Variants in MAP4K2 observed in about 807,000 individuals in gnomAD.
MAP4K2 encodes the protein B lymphocyte serine/threonine protein kinase.
MAP4K2 carries 85 observed loss-of-function variants against 125.3 expected under a neutral mutation model. The ratio of observed to expected loss-of-function variants is 0.68; its 90% CI spans 0.57 to 0.81. The LOEUF (loss-of-function observed/expected upper bound fraction) is 0.81. MAP4K2 is among the 40% of genes least tolerant of loss of function. The pLI, the probability that MAP4K2 is intolerant of heterozygous loss-of-function variation, is 0.00. For missense variants in MAP4K2, 923 were observed against 1,056.4 expected (o/e 0.87, Z 1.75); for synonymous variants, 479 against 445.1 (o/e 1.08, Z -0.96).
rs1941091378 is a variant in MAP4K2, at chr11:64,800,396, G to C, written c.726-4C>G. On this transcript the variant is annotated splice_region_variant and splice_polypyrimidine_tract_variant and intron_variant, in intron 10 of 31. Transcript: ENST00000294066. ...AAAGTGGTGGAAATTCTGGGTCCTAGAAGGCACAAGAGCCCCCCAGCGCCA... is the reference window on the plus strand; with the variant it reads ...AAAGTGGTGGAAATTCTGGGTCCTACAAGGCACAAGAGCCCCCCAGCGCCA... 1 of 1,613,906 alleles carries C rather than the reference G, an allele frequency of 6.2e-7. No individual in the cohort carries two copies. Among genetic ancestry groups the C allele is most frequent in the Non-Finnish European group, 8.5e-7 (1 of 1,179,966 alleles).
intron 14 of MAP4K2, 60 bp from the exon 15 acceptor site, chr11:64,798,897 C>A (rs960083436): frequency 1.4e-6 from 2 of 1,398,922 alleles, no homozygotes; most frequent in African/African-American, 2.9e-5. Flanking sequence ...CGTGAGAGGG[C>A]GCTCAAGAGA....
Position 64,796,704 on chromosome 11 carries a change from AG to A in MAP4K2, c.1501del (p.Leu501TrpfsTer3). The A allele has an allele frequency of 6.2e-7, 1 of 1,614,048 alleles. No homozygotes were observed. The highest frequency in any genetic ancestry group is 8.5e-7 in the Non-Finnish European group (1 of 1,180,018). ...WIHPVTRDQFLVVGAEEGIYT... is the reference protein window; with the variant it reads ...WIHPVTRDQFXVVGAEEGIYT... ...GATGCCTTCCTCGGCCCCTACCACCAGGAACTGGTCTGCCAGTTTGGGCATG... is the reference window on the plus strand; with the variant it reads ...GATGCCTTCCTCGGCCCCTACCACCAGAACTGGTCTGCCAGTTTGGGCATG... On this transcript the variant is annotated frameshift_variant, in exon 22 of 32. Coordinates refer to ENST00000294066, the MANE Select transcript of MAP4K2 (RefSeq NM_004579.5). LOFTEE classifies it high-confidence loss of function.
Position 64,800,938 on chromosome 11 carries a change from G to T in MAP4K2, c.624C>A (p.Gly208=). Residue 208 remains glycine (G), a synonymous_variant, in exon 9 of 32, where the codon GGC becomes GGA. Transcript: ENST00000294066. The part of the protein sequence containing the change: ...WALGITAIEL[G]ELQPPLFHLH... ...GGTGGAACAGAGGGGGCTGCAGCTCGCCCAGCTCAATGGCAGTGATGCCCA... is the reference window on the plus strand; with the variant it reads ...GGTGGAACAGAGGGGGCTGCAGCTCTCCCAGCTCAATGGCAGTGATGCCCA... 1.2e-6 allele frequency: 2 copies of T among 1,614,024 alleles called. No homozygotes were observed. Among genetic ancestry groups the T allele is most frequent in the Middle Eastern group, 1.6e-4 (1 of 6,062 alleles).
At chr11:64,794,926 G>A (rs1250290621) in intron 24 of MAP4K2, among the ~76,000 whole-genome samples, 1 of 151,698 alleles carries the variant, frequency 6.6e-6, no homozygotes, top group Non-Finnish European at 1.5e-5. Flanking sequence ...TTGCTCTGTT[G>A]CCCAGGCTTC....
Position 64,797,702 on chromosome 11 carries a change from C to CTT in MAP4K2, c.1098-39_1098-38insAA. ...GAAAAGGGGTCAGAGGTCAACCTTT[C>CTT]CTTTTTTTTTTTTTTTTTTTTGAGA... On this transcript the variant is annotated intron_variant, in intron 15 of 31. Transcript: ENST00000294066. The CTT allele has an allele frequency of 3.9e-6, 5 of 1,270,422 alleles. No homozygotes were observed. In the South Asian group the frequency reaches 4.8e-5, roughly 12 times the overall value. The allele number at this position is 1,270,422 out of a possible 1,614,324, so 78.7% of individuals were successfully genotyped here. A position where few individuals can be genotyped will look rare whatever the true frequency, so the allele number is the denominator to read the frequency against.
intron 24 of MAP4K2, among the ~76,000 whole-genome samples, chr11:64,795,081 ATTTTTTT>A (rs141351266): frequency 8.2e-6 from 1 of 121,678 alleles, no homozygotes; most frequent in African/African-American, 3.1e-5. Context: ...TAAGTTTTCG[ATTTTTTT>A]TTTTTTTTTT....
chr11:64,799,341 G>A lies in MAP4K2; in HGVS notation c.1053+80C>T, dbSNP rs1941018093. 14 of 1,545,128 alleles carry A rather than the reference G, an allele frequency of 9.1e-6. No homozygotes were observed. The South Asian group carries it at 1.6e-4, about 18-fold the overall frequency. On this transcript the variant is annotated intron_variant, in intron 14 of 31. Coordinates refer to ENST00000294066, the MANE Select transcript of MAP4K2 (RefSeq NM_004579.5). ...GGCCACCCAGCTTCAAATCTCCCTTGATTTGAGCTGCTCGGCCTCCATCCG... is the reference window on the plus strand; with the variant it reads ...GGCCACCCAGCTTCAAATCTCCCTTAATTTGAGCTGCTCGGCCTCCATCCG...
At position 64,796,273 on chromosome 11, in the gene MAP4K2, C is replaced by T; in HGVS notation, c.1751G>A (p.Arg584Lys). The change falls in exon 24 of 32, where the codon AGG (arginine) becomes AAG (lysine). Residue 584 changes from arginine to lysine, a missense_variant and splice_region_variant. Physicochemically the swap from Arg to Lys is conservative, Grantham distance 26. This residue lies in a region of MAP4K2 where 833 missense variants were observed against 911.4 expected (regional missense o/e 0.91). Coordinates refer to ENST00000294066, the MANE Select transcript of MAP4K2 (RefSeq NM_004579.5). ...TNRLTQRIIP[R>K]RFALSTKIPD... The stretch of plus-strand genomic sequence containing the variant: ...TCCCTGCACGCCCAAGATCCCTGAC[C>T]TGGGGATGATGCGCTGGGTGAGGCG... 6.5e-7 allele frequency: 1 copy of T among 1,528,302 alleles called. No homozygotes were observed. The highest frequency in any genetic ancestry group is 8.8e-7 in the Non-Finnish European group (1 of 1,139,036). 94.7% of individuals were successfully genotyped at this position (1,528,302 alleles called of 1,614,324 possible). A position where few individuals can be genotyped will look rare whatever the true frequency, so the allele number is the denominator to read the frequency against.
intron 24 of MAP4K2, among the ~76,000 whole-genome samples, chr11:64,794,092 G>A (rs1940651841): frequency 6.6e-6 from 1 of 152,192 alleles, no homozygotes; most frequent in South Asian, 2.1e-4. Flanking sequence ...GGGGCCCATA[G>A]CCCAGGGCCC....
rs1361270195 is a variant in MAP4K2 at position 64,792,411 on chromosome 11, A to G, written c.1763T>C (p.Leu588Pro). 1 of 1,553,346 alleles carries G rather than the reference A, an allele frequency of 6.4e-7. No homozygotes were observed. Among genetic ancestry groups the G allele is most frequent in the Non-Finnish European group, 8.7e-7 (1 of 1,146,112 alleles). Reference protein sequence around the residue: ...TQRIIPRRFALSTKIPDTKGC... With the variant: ...TQRIIPRRFAPSTKIPDTKGC... ...TTTGGTGTCAGGAATCTTGGTGGAC[A>G]GAGCAAAGCGCCTGTAGGGGTGATA... Residue 588 changes from leucine to proline, a missense_variant, in exon 25 of 32, where the codon CTG becomes CCG. This residue lies in a region of MAP4K2 where 833 missense variants were observed against 911.4 expected (regional missense o/e 0.91). Coordinates refer to ENST00000294066, the MANE Select transcript of MAP4K2 (RefSeq NM_004579.5).
At chr11:64,796,112 AG>A (rs1940778928) in intron 24 of MAP4K2, among the ~76,000 whole-genome samples, 160 bp downstream of exon 24, 1 of 152,098 alleles carries the variant, frequency 6.6e-6, no homozygotes, top group Admixed American at 6.5e-5. Flanking sequence ...AGCCGGCGGG[AG>A]GGGGTGGGAA....
rs1940320967 is a variant in MAP4K2 at position 64,789,045 on chromosome 11, C to A, written c.*492G>T. The A allele has an allele frequency of 6.0e-6, 1 of 166,928 alleles. No homozygotes were observed. The highest frequency in any genetic ancestry group is 2.4e-5 in the African/African-American group (1 of 41,542). The allele number at this position is 166,928 out of a possible 1,614,324, so 10.3% of individuals were successfully genotyped here. ...CTTCTCCAAAACCCTGGGGGCCCTG[C>A]CCTTCTGTGGTGCCCACAGAAACGT... is the stretch of plus-strand genomic sequence containing the variant. On this transcript the variant is annotated 3_prime_UTR_variant, in exon 32 of 32. Coordinates refer to ENST00000294066, the MANE Select transcript of MAP4K2 (RefSeq NM_004579.5).
rs773199191 is a variant in MAP4K2, at chr11:64,796,257, G to A, written c.1751+16C>T. On this transcript the variant is annotated intron_variant, in intron 24 of 31. Coordinates refer to ENST00000294066, the MANE Select transcript of MAP4K2 (RefSeq NM_004579.5). Reference sequence around the variant, plus strand: ...CCCCTCTGCCTCCCGCTCCCTGCACGCCCAAGATCCCTGACCTGGGGATGA... The same window carrying A: ...CCCCTCTGCCTCCCGCTCCCTGCACACCCAAGATCCCTGACCTGGGGATGA... The A allele has an allele frequency of 1.1e-5, 17 of 1,515,960 alleles. No homozygotes were observed. The highest frequency in any genetic ancestry group is 9.0e-5 in the Admixed American group (4 of 44,356). 93.9% of individuals were successfully genotyped at this position (1,515,960 alleles called of 1,614,324 possible).
chr11:64,796,052 C>A (rs1270542187), intron 24 of MAP4K2, among the ~76,000 whole-genome samples: 1 of 152,234 alleles, frequency 6.6e-6, no homozygotes, highest in Non-Finnish European at 1.5e-5. Context: ...ACAGCTCCTA[C>A]AACTTGGAAA....
intron 7 of MAP4K2, 133 bp from the exon 8 acceptor site, chr11:64,801,316 G>C: frequency 8.6e-7 from 1 of 1,168,340 alleles, no homozygotes; most frequent in South Asian, 1.4e-5. Flanking sequence ...GCTGCCGCAG[G>C]CCCTAGGCAA....
At chr11:64,800,728 GA>G in intron 10 of MAP4K2, 35 bp downstream of exon 10, 1 of 1,574,118 alleles carries the variant, frequency 6.4e-7, no homozygotes, top group Non-Finnish European at 8.6e-7. Context: ...GGGGCTGACA[GA>G]AAAGGGGGTC....
At position 64,800,788 on chromosome 11, in the gene MAP4K2, G is replaced by A; in HGVS notation, c.701C>T (p.Pro234Leu). 1 of 1,609,534 alleles carries A rather than the reference G, an allele frequency of 6.2e-7. No individual in the cohort carries two copies. The highest frequency in any genetic ancestry group is 8.5e-7 in the Non-Finnish European group (1 of 1,178,004). The change falls in exon 10 of 32, where the codon CCC (proline) becomes CTC (leucine). Residue 234 changes from proline to leucine, a missense_variant. Physicochemically the swap from Pro to Leu is moderately conservative, Grantham distance 98. Transcript: ENST00000294066. Reference protein sequence around the residue: ...MLMSKSSFQPPKLRDKTRWTQ... With the variant: ...MLMSKSSFQPLKLRDKTRWTQ... ...CCAGCGAGTCTTATCTCTCAGTTTG[G>A]GCGGCTGGAAGCTGCTCTTCGACAT...
intron 22 of MAP4K2, 24 bp downstream of exon 22, chr11:64,796,610 C>T: frequency 6.2e-7 from 1 of 1,614,036 alleles, no homozygotes; most frequent in Non-Finnish European, 8.5e-7. Flanking sequence ...AGGCCTCTGC[C>T]CCCCACAGCC....
chr11:64,789,597 A>G lies in MAP4K2; in HGVS notation c.2403T>C (p.Thr801=), dbSNP rs772355244. The G allele has an allele frequency of 3.7e-6, 6 of 1,607,568 alleles. No homozygotes were observed. Among genetic ancestry groups the G allele is most frequent in the South Asian group, 2.2e-5 (2 of 89,768 alleles). Residue 801 remains threonine, a synonymous_variant, in exon 32 of 32, where the codon ACT becomes ACC. Coordinates refer to ENST00000294066, the MANE Select transcript of MAP4K2 (RefSeq NM_004579.5). ...HRDIILESIP[T]DNPEAHSNLY... ...GGTTGCTGTGCGCCTCTGGGTTGTC[A>G]GTGGGAATGCTCTCCAGGATGATGT...
Sources: allele counts gnomAD v4.1 joint callset (sites outside exome capture counted in the v4.1 genomes callset), GRCh38; gene constraint gnomAD v4.1.1; regional missense constraint gnomAD v4.1.1; transcripts MANE v1.5; gene names NCBI Gene and HGNC (gene_info 2026-07-23, HGNC 2026-07-21).